The following ROBO2 variants were observed in gnomAD, a reference collection of about 807,000 sequenced individuals.
ROBO2 encodes the protein roundabout guidance receptor 2.
A neutral mutation model predicts 160.8 loss-of-function variants in ROBO2; 53 were observed. The observed-to-expected ratio is 0.33, with a 90% confidence interval of 0.26 to 0.41. ROBO2 has a LOEUF of 0.41. Among genes scored for constraint, ROBO2 ranks in the 10% least tolerant of loss-of-function variants. The pLI, the probability that ROBO2 is intolerant of heterozygous loss-of-function variation, is 1.00. For missense variants in ROBO2, 1,577 were observed against 1,722.4 expected (o/e 0.92, Z 1.49); for synonymous variants, 664 against 611.7 (o/e 1.09, Z -1.26).
intron 1 of ROBO2, among the ~76,000 whole-genome samples, chr3:77,094,294 T>G (rs544745269): frequency 6.6e-6 from 1 of 152,336 alleles, no homozygotes; most frequent in South Asian, 2.1e-4. Flanking sequence ...ATTTTCAAAG[T>G]TCATCTATGT....
chr3:77,284,297 A>G (rs1391247303), intron 2 of ROBO2, among the ~76,000 whole-genome samples: 1 of 152,164 alleles, frequency 6.6e-6, no homozygotes, highest in African/African-American at 2.4e-5. Flanking sequence ...AGCACATGTT[A>G]TAACCTTGGG....
intron 2 of ROBO2, among the ~76,000 whole-genome samples, chr3:77,251,678 G>T (rs1291817673): frequency 6.6e-6 from 1 of 152,076 alleles, no homozygotes; most frequent in Non-Finnish European, 1.5e-5. Flanking sequence ...GGGACCTAGG[G>T]GGAGATGATT....
At chr3:77,461,059 T>C (rs1385375448) in intron 2 of ROBO2, among the ~76,000 whole-genome samples, 1 of 152,096 alleles carries the variant, frequency 6.6e-6, no homozygotes, top group Non-Finnish European at 1.5e-5. Context: ...ATAAACACCA[T>C]CTTTCATATG....
chr3:76,540,811 T>A (rs550792473), intron 2 of ROBO2, among the ~76,000 whole-genome samples: 1 of 152,156 alleles, frequency 6.6e-6, no homozygotes, highest in East Asian at 1.9e-4. Context: ...TATTTATTTA[T>A]TTTTTTGACA....
At chr3:75,996,397 A>G (rs2065726505) in intron 2 of ROBO2, among the ~76,000 whole-genome samples, 1 of 152,094 alleles carries the variant, frequency 6.6e-6, no homozygotes, top group Non-Finnish European at 1.5e-5. Context: ...TGCCCTGTGA[A>G]GAGGTGACTT....
intron 23 of ROBO2, chr3:77,631,288 T>C (rs141888844): frequency 1.3e-5 from 2 of 152,160 alleles, no homozygotes; most frequent in African/African-American, 4.8e-5. Flanking sequence ...ATCCGTGTCA[T>C]TGTATCCTGG....
chr3:77,325,693 ATTG>A (rs2065303503), intron 2 of ROBO2, among the ~76,000 whole-genome samples: 1 of 152,196 alleles, frequency 6.6e-6, no homozygotes, highest in Non-Finnish European at 1.5e-5. Context: ...CACCTGGTTT[ATTG>A]TTAAGTAATC....
chr3:77,544,475 G>T (rs1186656360), intron 6 of ROBO2, among the ~76,000 whole-genome samples: 6 of 152,212 alleles, frequency 3.9e-5, no homozygotes, highest in South Asian at 2.1e-4. Flanking sequence ...CCTGGGTTAT[G>T]CGTTAGATGC....
chr3:76,647,541 T>C (rs991031427), intron 2 of ROBO2, among the ~76,000 whole-genome samples: 1 of 152,210 alleles, frequency 6.6e-6, no homozygotes, highest in African/African-American at 2.4e-5. Flanking sequence ...TAAAATCTTT[T>C]AAAAATCCCA....
Position 76,401,085 on chromosome 3 carries a change from C to T in ROBO2, c.109+463483C>T, listed in dbSNP as rs564095330. ...TTGGTCAAAATAATGAGATAGGAAACATTGATTTGCCTGTTTTCTTCTCCT... is the reference window on the plus strand; with the variant it reads ...TTGGTCAAAATAATGAGATAGGAAATATTGATTTGCCTGTTTTCTTCTCCT... On this transcript the variant is annotated intron_variant, in intron 2 of 26. Transcript: ENST00000487694. Among the ~76,000 whole-genome samples, 26 of 151,518 alleles carry T rather than the reference C, an allele frequency of 1.7e-4. No homozygotes were observed. The East Asian group carries it at 3.9e-3, about 23-fold the overall frequency.
intron 1 of ROBO2, among the ~76,000 whole-genome samples, chr3:77,081,667 A>C (rs939535873): frequency 6.6e-6 from 1 of 152,216 alleles, no homozygotes; most frequent in African/African-American, 2.4e-5. Context: ...CTTGTGCAAA[A>C]GTGTGTTAAG....
At chr3:76,031,575 G>T (rs1330347295) in intron 2 of ROBO2, among the ~76,000 whole-genome samples, 1 of 152,146 alleles carries the variant, frequency 6.6e-6, no homozygotes, top group African/African-American at 2.4e-5. Flanking sequence ...AGCATGAAGG[G>T]CTGTTGAATT....
intron 2 of ROBO2, among the ~76,000 whole-genome samples, chr3:77,449,411 T>C (rs911264726): frequency 6.6e-6 from 1 of 152,126 alleles, no homozygotes; most frequent in African/African-American, 2.4e-5. Flanking sequence ...AATATATATT[T>C]AGGGATGAGA....
intron 2 of ROBO2, among the ~76,000 whole-genome samples, chr3:77,137,003 T>G (rs935859608): frequency 2.6e-4 from 40 of 152,202 alleles, no homozygotes; most frequent in African/African-American, 9.4e-4. Flanking sequence ...AGGCTGGTCT[T>G]AAACTCCTAA....
At chr3:77,107,682 G>C (rs2072995841) in intron 2 of ROBO2, among the ~76,000 whole-genome samples, 1 of 152,082 alleles carries the variant, frequency 6.6e-6, no homozygotes, top group East Asian at 1.9e-4. Flanking sequence ...CCAATTCAGG[G>C]GTCTTGAGAC....
At chr3:76,097,642 A>G (rs1158270435) in intron 2 of ROBO2, among the ~76,000 whole-genome samples, 1 of 152,170 alleles carries the variant, frequency 6.6e-6, no homozygotes, top group Non-Finnish European at 1.5e-5. Context: ...TAACAGGGTA[A>G]TCAGGGAGGA....
At chr3:76,850,334 T>C in intron 2 of ROBO2, among the ~76,000 whole-genome samples, 1 of 152,176 alleles carries the variant, frequency 6.6e-6, no homozygotes, top group East Asian at 1.9e-4. Context: ...GCAGTGATTA[T>C]AGCTTAACCC....
intron 2 of ROBO2, among the ~76,000 whole-genome samples, chr3:76,558,564 T>G (rs2083956695): frequency 6.6e-6 from 1 of 152,114 alleles, no homozygotes; most frequent in Admixed American, 6.6e-5. Context: ...AATTTACATT[T>G]ATACAAAATA....
intron 2 of ROBO2, among the ~76,000 whole-genome samples, chr3:77,286,612 T>G (rs2060620292): frequency 6.6e-6 from 1 of 152,190 alleles, no homozygotes; most frequent in Non-Finnish European, 1.5e-5. Flanking sequence ...CTTCTTTACA[T>G]CATCCATGTA....
Sources: gnomAD v4.1 joint callset for allele counts (sites outside exome capture counted in the v4.1 genomes callset) on GRCh38, gnomAD v4.1.1 for gene constraint, MANE v1.5 for transcripts, NCBI Gene and HGNC (gene_info 2026-07-23, HGNC 2026-07-21) for gene names.